The following C12orf42 variants were observed in gnomAD, a reference collection of about 807,000 sequenced individuals.
C12orf42 encodes the protein uncharacterized protein C12orf42.
C12orf42 carries 25 observed loss-of-function variants against 21.6 expected under a neutral mutation model. That is an observed-to-expected ratio of 1.16 (90% CI 0.84 to 1.62). The LOEUF is 1.62. C12orf42 is among the 40% of genes most tolerant of loss of function. The probability of loss-of-function intolerance (pLI) is 0.00; values close to 1 mark genes in which losing one functional copy is unlikely to be tolerated. For synonymous variants in C12orf42, 174 were observed against 175.0 expected, an observed-to-expected ratio of 0.99 and a Z score of 0.05; for missense variants, 483 against 459.3, an observed-to-expected ratio of 1.05 and a Z score of -0.47.
chr12:103,066,049 C>T, the C12orf42 span, among the ~76,000 whole-genome samples: 2 of 152,134 alleles, frequency 1.3e-5, no homozygotes, highest in African/African-American at 4.8e-5. Context: ...TGGCAGGCCC[C>T]CCTAGGTGAA....
chr12:103,317,492 T>A (rs183364247), intron 4 of C12orf42, among the ~76,000 whole-genome samples: 108 of 152,352 alleles, frequency 7.1e-4, no homozygotes, highest in Non-Finnish European at 1.2e-3. Flanking sequence ...GTTTTATTTT[T>A]AAATGTCTGG....
At chr12:103,476,953 A>G (rs1048445933) in intron 2 of C12orf42, 4 of 152,218 alleles carry the variant, frequency 2.6e-5, no homozygotes, top group Non-Finnish European at 5.9e-5. Flanking sequence ...TCATACTTCA[A>G]TTTGAATTCA....
the C12orf42 span, among the ~76,000 whole-genome samples, chr12:103,081,819 A>T: frequency 2.6e-5 from 4 of 152,150 alleles, no homozygotes; most frequent in Admixed American, 1.3e-4. Flanking sequence ...TTTGATAAAG[A>T]TTATTTTGTT....
At chr12:103,321,314 G>T (rs1443271344) in intron 4 of C12orf42, among the ~76,000 whole-genome samples, 1 of 151,154 alleles carries the variant, frequency 6.6e-6, no homozygotes, top group Admixed American at 6.6e-5. Flanking sequence ...ACCACAATGA[G>T]ATACCATCTC....
the C12orf42 span, among the ~76,000 whole-genome samples, chr12:103,150,795 C>T: frequency 6.6e-6 from 1 of 152,274 alleles, no homozygotes; most frequent in East Asian, 1.9e-4. Context: ...GAGCAATTCC[C>T]GACTATATCT....
intron 2 of C12orf42, among the ~76,000 whole-genome samples, chr12:103,440,735 T>A (rs1951179874): frequency 6.6e-6 from 1 of 152,102 alleles, no homozygotes; most frequent in Admixed American, 6.6e-5. Context: ...CCATTTCAAA[T>A]GAGGTACAAC....
chr12:103,255,908 C>T (rs1259998330), intron 10 of C12orf42, among the ~76,000 whole-genome samples: 2 of 150,246 alleles, frequency 1.3e-5, no homozygotes, highest in Middle Eastern at 6.9e-3. Flanking sequence ...AAAAAATTAG[C>T]CGGGCATGGT....
chr12:103,261,785 A>T (rs2034912985), intron 10 of C12orf42, among the ~76,000 whole-genome samples: 1 of 152,182 alleles, frequency 6.6e-6, no homozygotes, highest in African/African-American at 2.4e-5. Context: ...AATTTTTATG[A>T]CCAAATGACA....
chr12:103,171,651 C>A, the C12orf42 span, among the ~76,000 whole-genome samples: 1 of 151,974 alleles, frequency 6.6e-6, no homozygotes, highest in Non-Finnish European at 1.5e-5. Flanking sequence ...AAATTAAAGG[C>A]ATTAGAGAGA....
chr12:103,184,257 CT>C, the C12orf42 span, among the ~76,000 whole-genome samples: 11 of 152,130 alleles, frequency 7.2e-5, no homozygotes, highest in Non-Finnish European at 1.3e-4. Flanking sequence ...CTGTTAAGAT[CT>C]TTATGTTTTC....
the C12orf42 span, among the ~76,000 whole-genome samples, chr12:103,151,428 A>G: frequency 2.6e-5 from 4 of 152,224 alleles, no homozygotes; most frequent in Non-Finnish European, 5.9e-5. Flanking sequence ...AGAACATTTC[A>G]AGAAAGAAAA....
the C12orf42 span, among the ~76,000 whole-genome samples, chr12:103,508,889 A>T: frequency 1.3e-5 from 2 of 152,248 alleles, no homozygotes; most frequent in African/African-American, 4.8e-5. Flanking sequence ...ACTAATAATG[A>T]TAGCTAATAT....
intron 2 of C12orf42, chr12:103,478,146 G>A (rs1305167672): frequency 6.7e-5 from 33 of 489,502 alleles, no homozygotes; most frequent in Non-Finnish European, 1.0e-4. Flanking sequence ...GTCCCTAATA[G>A]TGGGAAAAAA....
chr12:103,166,057 AAAAG>A, the C12orf42 span, among the ~76,000 whole-genome samples: 6 of 150,818 alleles, frequency 4.0e-5, no homozygotes, highest in Admixed American at 2.6e-4. Flanking sequence ...AAAGAAAGAA[AAAAG>A]AAAGAGAGAG....
chr12:103,336,306 C>A (rs1289694219), intron 4 of C12orf42, among the ~76,000 whole-genome samples: 1 of 152,164 alleles, frequency 6.6e-6, no homozygotes, highest in Non-Finnish European at 1.5e-5. Flanking sequence ...ATATAGGCTT[C>A]ATTTTTCATC....
At chr12:103,403,142 G>T (rs1017423111) in intron 2 of C12orf42, among the ~76,000 whole-genome samples, 2 of 152,148 alleles carry the variant, frequency 1.3e-5, no homozygotes, top group South Asian at 2.1e-4. Flanking sequence ...TTGGGAGGCC[G>T]AGGCGGGCGG....
chr12:103,117,995 T>C, the C12orf42 span, among the ~76,000 whole-genome samples: 30 of 152,324 alleles, frequency 2.0e-4, no homozygotes, highest in African/African-American at 7.0e-4. Context: ...GAATTATAAA[T>C]CAAAGAGGAA....
chr12:103,159,995 C>T, the C12orf42 span, among the ~76,000 whole-genome samples: 1 of 152,150 alleles, frequency 6.6e-6, no homozygotes, highest in Non-Finnish European at 1.5e-5. Flanking sequence ...GGGATGAGGC[C>T]AGCTGAGGTG....
At chr12:103,182,195 C>T in the C12orf42 span, among the ~76,000 whole-genome samples, 840 of 152,182 alleles carry the variant, frequency 5.5e-3, 7 homozygotes, top group Non-Finnish European at 5.0e-3. Context: ...AGAAGGGACT[C>T]AATACTATGT....
Sources: gnomAD v4.1 joint callset for allele counts (sites outside exome capture counted in the v4.1 genomes callset) on GRCh38, gnomAD v4.1.1 for gene constraint, MANE v1.5 for transcripts, NCBI Gene and HGNC (gene_info 2026-07-23, HGNC 2026-07-21) for gene names.